PRKG1: variants seen among roughly 807,000 people sequenced by gnomAD.
The protein encoded by PRKG1 is cGMP-dependent protein kinase 1.
PRKG1 carries 35 observed loss-of-function variants against 88.1 expected under a neutral mutation model. The observed-to-expected ratio is 0.40, with a 90% CI of 0.30 to 0.53. The LOEUF (loss-of-function observed/expected upper bound fraction) is 0.53. PRKG1 is among the 20% of genes least tolerant of loss of function. PRKG1 has a pLI of 0.59. For synonymous variants in PRKG1, 303 were observed against 292.5 expected, an observed-to-expected ratio of 1.04 and a Z score of -0.37; for missense variants, 540 against 839.8, an observed-to-expected ratio of 0.64 and a Z score of 4.41.
intron 4 of PRKG1, among the ~76,000 whole-genome samples, chr10:51,823,855 T>TG (rs1839813489): frequency 7.6e-6 from 1 of 131,414 alleles, no homozygotes; most frequent in Non-Finnish European, 1.5e-5. Context: ...CAGAATTTTT[T>TG]TTTCTCTCTC....
intron 9 of PRKG1, among the ~76,000 whole-genome samples, chr10:52,223,267 T>A (rs563038436): frequency 7.9e-5 from 12 of 152,246 alleles, no homozygotes; most frequent in African/African-American, 2.9e-4. Context: ...TTATCCATAC[T>A]GCTCTACCAA....
rs73335639 is a variant in PRKG1, at chr10:51,331,535, G to A, written c.479-136188G>A. Reference sequence around the variant, plus strand: ...TTCCTCTCTTTTCTCCAAGTAGATGGCATTTCTCTCCATGCTTAGCTGTGC... The same window carrying A: ...TTCCTCTCTTTTCTCCAAGTAGATGACATTTCTCTCCATGCTTAGCTGTGC... On this transcript the variant is annotated intron_variant, in intron 2 of 17. Transcript: ENST00000373980. 3.8e-3 allele frequency among the ~76,000 whole-genome samples: 582 copies of A among 152,264 alleles called. 5 individuals carry two copies. Among genetic ancestry groups the A allele is most frequent in the African/African-American group, 0.013 (550 of 41,544 alleles).
chr10:51,405,885 G>T (rs749693791), intron 2 of PRKG1, among the ~76,000 whole-genome samples: 1 of 152,178 alleles, frequency 6.6e-6, no homozygotes, highest in Non-Finnish European at 1.5e-5. Context: ...GTACTGGAAA[G>T]AAAGCTACAC....
chr10:51,989,593 T>TA (rs11458678), intron 5 of PRKG1, among the ~76,000 whole-genome samples: 114,740 of 148,966 alleles, frequency 0.77, 44,370 homozygotes, highest in East Asian at 0.88. Context: ...CCAATGATGA[T>TA]AAAAAAAAAA....
intron 2 of PRKG1, among the ~76,000 whole-genome samples, chr10:51,169,052 C>T (rs1846626759): frequency 6.6e-6 from 1 of 152,110 alleles, no homozygotes; most frequent in Non-Finnish European, 1.5e-5. Context: ...GTTAGACTTA[C>T]AGTTCTAAAG....
chr10:51,861,823 G>T (rs1253653204), intron 4 of PRKG1, among the ~76,000 whole-genome samples: 1 of 152,190 alleles, frequency 6.6e-6, no homozygotes, highest in Non-Finnish European at 1.5e-5. Flanking sequence ...CCTTTTGCCA[G>T]CCGGAAACCT....
intron 2 of PRKG1, among the ~76,000 whole-genome samples, chr10:51,178,744 T>C (rs1016245868): frequency 1.3e-5 from 2 of 152,190 alleles, no homozygotes; most frequent in Admixed American, 6.5e-5. Flanking sequence ...TCATATATCA[T>C]TAGTCTTTGT....
chr10:51,600,897 GA>G (rs892880271), intron 3 of PRKG1, among the ~76,000 whole-genome samples: 16 of 150,204 alleles, frequency 1.1e-4, no homozygotes, highest in Non-Finnish European at 2.1e-4. Flanking sequence ...AAATGATTAG[GA>G]AAAGTTTTTC....
intron 3 of PRKG1, among the ~76,000 whole-genome samples, chr10:51,787,052 T>G (rs1034577344): frequency 6.6e-6 from 1 of 152,168 alleles, no homozygotes; most frequent in Non-Finnish European, 1.5e-5. Context: ...TTATGTGATA[T>G]GAATTGGGAA....
chr10:51,872,802 T>C (rs1841193472), intron 4 of PRKG1, among the ~76,000 whole-genome samples: 1 of 152,162 alleles, frequency 6.6e-6, no homozygotes, highest in Non-Finnish European at 1.5e-5. Flanking sequence ...CTTTTTGTAC[T>C]AGGTAAACCA....
At chr10:51,698,857 C>T (rs781498470) in intron 3 of PRKG1, 3 of 1,614,124 alleles carry the variant, frequency 1.9e-6, no homozygotes, top group Non-Finnish European at 8.5e-7. Context: ...GAGGATTCTG[C>T]TGGTTCAGCA....
intron 1 of PRKG1, among the ~76,000 whole-genome samples, chr10:51,008,765 C>T (rs1427916101): frequency 6.6e-6 from 1 of 152,104 alleles, no homozygotes; most frequent in Non-Finnish European, 1.5e-5. Context: ...GGAGCTGTGA[C>T]TTCTGAAGTC....
chr10:51,011,078 A>G (rs1842988656), intron 1 of PRKG1, among the ~76,000 whole-genome samples: 1 of 152,094 alleles, frequency 6.6e-6, no homozygotes, highest in African/African-American at 2.4e-5. Flanking sequence ...AGCACCAATA[A>G]ATTTCCTAAG....
At chr10:51,862,434 G>T (rs1436091105) in intron 4 of PRKG1, among the ~76,000 whole-genome samples, 1 of 152,156 alleles carries the variant, frequency 6.6e-6, no homozygotes, top group Admixed American at 6.5e-5. Flanking sequence ...GAGTGAGCCA[G>T]TCAGGGAAGA....
chr10:51,517,939 A>G (rs1394106025), intron 3 of PRKG1, among the ~76,000 whole-genome samples: 1 of 152,146 alleles, frequency 6.6e-6, no homozygotes, highest in Non-Finnish European at 1.5e-5. Flanking sequence ...ATGCAGCCCT[A>G]AGGAACCTCT....
chr10:52,025,604 C>T (rs9664210), intron 5 of PRKG1, among the ~76,000 whole-genome samples: 98,567 of 151,682 alleles, frequency 0.65, 32,557 homozygotes, highest in African/African-American at 0.77. Flanking sequence ...CATTTCTTGT[C>T]TTTGTCAGGT....
At chr10:51,233,391 G>T (rs1019764492) in intron 2 of PRKG1, among the ~76,000 whole-genome samples, 1 of 152,156 alleles carries the variant, frequency 6.6e-6, no homozygotes, top group Non-Finnish European at 1.5e-5. Context: ...TCTGCAATAT[G>T]AGATTGTTCT....
intron 7 of PRKG1, among the ~76,000 whole-genome samples, chr10:52,074,748 A>T (rs1355425841): frequency 6.6e-6 from 1 of 152,200 alleles, no homozygotes; most frequent in Non-Finnish European, 1.5e-5. Context: ...AATTGGCTAG[A>T]TTCACTGTCA....
intron 4 of PRKG1, among the ~76,000 whole-genome samples, chr10:51,826,323 C>T (rs1839880611): frequency 6.6e-6 from 1 of 152,146 alleles, no homozygotes; most frequent in Admixed American, 6.6e-5. Flanking sequence ...CCCCAGATCC[C>T]ATGCTGTGCA....
Sources: allele counts gnomAD v4.1 joint callset (sites outside exome capture counted in the v4.1 genomes callset), GRCh38; gene constraint gnomAD v4.1.1; transcripts MANE v1.5; gene names NCBI Gene and HGNC (gene_info 2026-07-23, HGNC 2026-07-21).